The following IL2RA variants were observed in gnomAD, a reference collection of about 807,000 sequenced individuals.
IL2RA encodes interleukin 2 receptor subunit alpha.
IL2RA carries 24 observed loss-of-function variants against 37.8 expected under a neutral mutation model. That is an observed-to-expected ratio of 0.63 (90% CI 0.46 to 0.89). The LOEUF (loss-of-function observed/expected upper bound fraction) is 0.89, where lower values mean the gene tolerates loss of function less well. Ranked by LOEUF, IL2RA falls within the 40% of genes least tolerant of loss-of-function variation. The probability of loss-of-function intolerance (pLI) is 0.00; values close to 1 mark genes in which losing one functional copy is unlikely to be tolerated. For missense variants in IL2RA, 319 were observed against 348.6 expected (o/e 0.92, Z 0.68); for synonymous variants, 125 against 114.6 (o/e 1.09, Z -0.58).
At chr10:6,023,407 C>T (rs1839420937) in intron 3 of IL2RA, among the ~76,000 whole-genome samples, 1 of 152,164 alleles carries the variant, frequency 6.6e-6, no homozygotes. Context: ...GCAATCTCTG[C>T]TCACTGCAAC....
Position 6,033,533 on chromosome 10 carries a change from A to C in IL2RA, c.65-7508T>G, listed in dbSNP as rs12722668. Among the ~76,000 whole-genome samples the C allele has an allele frequency of 0.018, 2,716 of 152,298 alleles. 76 individuals are homozygous for C. Among genetic ancestry groups the C allele is most frequent in the African/African-American group, 0.061 (2,552 of 41,536 alleles). On this transcript the variant is annotated intron_variant, in intron 1 of 7. Coordinates refer to ENST00000379959, the MANE Select transcript of IL2RA (RefSeq NM_000417.3). The surrounding 1 kb of genome is among the most constrained non-coding windows in gnomAD (Gnocchi z 4.3). ...TAGCTTTATTAATAATAACCAACTC[A>C]ATAATTCAAACATCCATCATTGGGA...
intron 1 of IL2RA, among the ~76,000 whole-genome samples, chr10:6,039,084 A>C (rs1839732156): frequency 6.6e-6 from 1 of 152,230 alleles, no homozygotes; most frequent in Non-Finnish European, 1.5e-5. Flanking sequence ...TGTTTATAAG[A>C]GACATGCTTA....
rs796273518 is a variant in IL2RA, at chr10:6,033,820, C to T, written c.65-7795G>A. On this transcript the variant is annotated intron_variant, in intron 1 of 7. Coordinates refer to ENST00000379959, the MANE Select transcript of IL2RA (RefSeq NM_000417.3). This position sits in a 1 kb window ranked among gnomAD's most constrained non-coding sequence, Gnocchi z 4.3. ...GACCAGAAGGCAGAAGTGATGAAAA[C>T]GTTTTTGCAGCTGTACACATTTGTC... Among the ~76,000 whole-genome samples, 3 of 152,194 alleles carry T rather than the reference C, an allele frequency of 2.0e-5. No individual in the cohort carries two copies. Among genetic ancestry groups the T allele is most frequent in the African/African-American group, 4.8e-5 (2 of 41,452 alleles).
Position 6,012,767 on chromosome 10 carries a change from A to G in IL2RA, c.*105T>C. 1 of 1,199,116 alleles carries G rather than the reference A, an allele frequency of 8.3e-7. No individual in the cohort carries two copies. Among genetic ancestry groups the G allele is most frequent in the South Asian group, 1.2e-5 (1 of 82,614 alleles). The allele number at this position is 1,199,116 out of a possible 1,614,324, so 74.3% of individuals were successfully genotyped here. A position where few individuals can be genotyped will look rare whatever the true frequency, so the allele number is the denominator to read the frequency against. ...TCCAAAACGCAGGCAAGCACAACGG[A>G]TGTCTCCTGGGCGACCATTTAGCAC... On this transcript the variant is annotated 3_prime_UTR_variant, in exon 8 of 8. Coordinates refer to ENST00000379959, the MANE Select transcript of IL2RA (RefSeq NM_000417.3). This position sits in a 1 kb window ranked among gnomAD's most constrained non-coding sequence, Gnocchi z 4.8.
Position 6,054,236 on chromosome 10 carries a change from G to T in IL2RA, c.64+7852C>A, listed in dbSNP as rs10795763. Among the ~76,000 whole-genome samples the T allele has an allele frequency of 0.46, 69,190 of 152,052 alleles. 17,791 individuals carry two copies. Among genetic ancestry groups the T allele is most frequent in the Non-Finnish European group, 0.59 (40,300 of 67,974 alleles). The stretch of plus-strand genomic sequence containing the variant: ...GTTGGGTGTGGGAGTGGGAGAATGG[G>T]CTGTCAGGACAAAAGCACTGGGACT... On this transcript the variant is annotated intron_variant, in intron 1 of 7. Transcript: ENST00000379959. The surrounding 1 kb of genome is among the most constrained non-coding windows in gnomAD (Gnocchi z 4.5).
At chr10:6,053,764 G>A (rs1411675878) in intron 1 of IL2RA, among the ~76,000 whole-genome samples, 2 of 152,190 alleles carry the variant, frequency 1.3e-5, no homozygotes, top group Admixed American at 1.3e-4. Context: ...CAAAGTGCTG[G>A]GATTACAGGA....
intron 5 of IL2RA, 89 bp from the exon 6 acceptor site, chr10:6,019,588 G>A: frequency 2.1e-6 from 2 of 971,382 alleles, no homozygotes; most frequent in South Asian, 1.3e-5. Flanking sequence ...CTCTGTGAAT[G>A]AGAAGCTCAG....
At chr10:6,019,734 T>A in intron 5 of IL2RA, 136 bp downstream of exon 5, 1 of 897,408 alleles carries the variant, frequency 1.1e-6, no homozygotes, top group Non-Finnish European at 1.9e-6. Flanking sequence ...GCCCTGTCCC[T>A]GCTCAGAGGG....
chr10:6,037,188 C>T (rs375283330), intron 1 of IL2RA, among the ~76,000 whole-genome samples: 4 of 152,134 alleles, frequency 2.6e-5, no homozygotes, highest in Admixed American at 6.5e-5. Context: ...GCAGTGGAAA[C>T]GTCATTGACT....
chr10:6,036,565 G>A lies in IL2RA; in HGVS notation c.65-10540C>T, dbSNP rs1839686037. ...CACAGTAAAGATAAACAGCAGCCTG[G>A]GCAGGCCAGCGGCTCTTCCCTGACG... On this transcript the variant is annotated intron_variant, in intron 1 of 7. Coordinates refer to ENST00000379959, the MANE Select transcript of IL2RA (RefSeq NM_000417.3). The surrounding 1 kb of genome is among the most constrained non-coding windows in gnomAD (Gnocchi z 6.1). 1 of 152,186 alleles carries A rather than the reference G, an allele frequency of 6.6e-6. No homozygotes were observed. Among genetic ancestry groups the A allele is most frequent in the Non-Finnish European group, 1.5e-5 (1 of 68,054 alleles). 9.4% of individuals were successfully genotyped at this position (152,186 alleles called of 1,614,324 possible).
chr10:6,032,617 T>C (rs1161535939), intron 1 of IL2RA, among the ~76,000 whole-genome samples: 6 of 150,440 alleles, frequency 4.0e-5, no homozygotes, highest in South Asian at 4.2e-4. Context: ...GGCGTGAACT[T>C]GGGAGGTGGA....
In IL2RA at chr10:6,020,862, T is replaced by C. The variant is rs568454101; in HGVS notation, c.583+616A>G. On this transcript the variant is annotated intron_variant, in intron 4 of 7. Transcript: ENST00000379959. This position sits in a 1 kb window ranked among gnomAD's most constrained non-coding sequence, Gnocchi z 5.6. ...TGTAAGTCACTTTTGATTGTCGTGATACTAATAAGATTTCAGAAGGAAGAC... is the reference window on the plus strand; with the variant it reads ...TGTAAGTCACTTTTGATTGTCGTGACACTAATAAGATTTCAGAAGGAAGAC... Among the ~76,000 whole-genome samples the C allele has an allele frequency of 3.9e-5, 6 of 152,218 alleles. No homozygotes were observed. In the East Asian group the frequency reaches 1.2e-3, roughly 29 times the overall value.
chr10:6,034,753 G>T (rs540075137), intron 1 of IL2RA, among the ~76,000 whole-genome samples: 1 of 152,150 alleles, frequency 6.6e-6, no homozygotes, highest in South Asian at 2.1e-4. Flanking sequence ...CCCACTTCCT[G>T]CTTCTCCCAA....
rs149847208 is a variant in IL2RA at position 6,015,559 on chromosome 10, A to C, written c.794+2494T>G. Among the ~76,000 whole-genome samples, 3 of 152,330 alleles carry C rather than the reference A, an allele frequency of 2.0e-5. No homozygotes were observed. In the East Asian group the frequency reaches 5.8e-4, roughly 29 times the overall value. ...GGGACCCAGCAATCTGTGCTTTAAC[A>C]AGGCCTCCAGATGATTCTTTCAACA... On this transcript the variant is annotated intron_variant, in intron 7 of 7. Transcript: ENST00000379959. This position sits in a 1 kb window ranked among gnomAD's most constrained non-coding sequence, Gnocchi z 4.9.
rs927895410 is a variant in IL2RA at position 6,046,849 on chromosome 10, A to G, written c.64+15239T>C. 6.6e-6 allele frequency among the ~76,000 whole-genome samples: 1 copy of G among 152,190 alleles called. No individual in the cohort carries two copies. The highest frequency in any genetic ancestry group is 1.5e-5 in the Non-Finnish European group (1 of 68,026). On this transcript the variant is annotated intron_variant, in intron 1 of 7. Coordinates refer to ENST00000379959, the MANE Select transcript of IL2RA (RefSeq NM_000417.3). This position sits in a 1 kb window ranked among gnomAD's most constrained non-coding sequence, Gnocchi z 4.8. ...GGGGGTGAGCTCAGATGCTCCTGCAATGGGCATTCACACTGGGCTTCTTGG... is the reference window on the plus strand; with the variant it reads ...GGGGGTGAGCTCAGATGCTCCTGCAGTGGGCATTCACACTGGGCTTCTTGG...
intron 7 of IL2RA, 139 bp downstream of exon 7, chr10:6,017,914 A>C: frequency 1.4e-6 from 1 of 724,194 alleles, no homozygotes. Context: ...TTTCCGAGGC[A>C]TGGATTGGCC....
At chr10:6,043,993 A>T (rs921007659) in intron 1 of IL2RA, among the ~76,000 whole-genome samples, 1 of 152,170 alleles carries the variant, frequency 6.6e-6, no homozygotes, top group African/African-American at 2.4e-5. Context: ...CTGTCTGTGG[A>T]TGTGGAACTT....
Position 6,059,034 on chromosome 10 carries a change from A to G in IL2RA, c.64+3054T>C, listed in dbSNP as rs1415499713. On this transcript the variant is annotated intron_variant, in intron 1 of 7. Coordinates refer to ENST00000379959, the MANE Select transcript of IL2RA (RefSeq NM_000417.3). Reference sequence around the variant, plus strand: ...AGAGAACTCTTACCCTGAGGAATAAAAAGTCTGATTTGTTTCAAGACTAGG... The same window carrying G: ...AGAGAACTCTTACCCTGAGGAATAAGAAGTCTGATTTGTTTCAAGACTAGG... Among the ~76,000 whole-genome samples the G allele has an allele frequency of 2.6e-5, 4 of 152,238 alleles. No homozygotes were observed. In the East Asian group the frequency reaches 5.8e-4, roughly 22 times the overall value.
In IL2RA at chr10:6,033,523, T is replaced by C. The variant is rs149871309; in HGVS notation, c.65-7498A>G. Among the ~76,000 whole-genome samples, 857 of 152,256 alleles carry C rather than the reference T, an allele frequency of 5.6e-3. 5 individuals are homozygous for C. Among genetic ancestry groups the C allele is most frequent in the Middle Eastern group, 0.017 (5 of 294 alleles). Reference sequence around the variant, plus strand: ...TAGTACATAGTAGCTTTATTAATAATAACCAACTCAATAATTCAAACATCC... The same window carrying C: ...TAGTACATAGTAGCTTTATTAATAACAACCAACTCAATAATTCAAACATCC... On this transcript the variant is annotated intron_variant, in intron 1 of 7. Coordinates refer to ENST00000379959, the MANE Select transcript of IL2RA (RefSeq NM_000417.3). This position sits in a 1 kb window ranked among gnomAD's most constrained non-coding sequence, Gnocchi z 4.3.
Sources: gnomAD v4.1 joint callset for allele counts (sites outside exome capture counted in the v4.1 genomes callset) on GRCh38, gnomAD v4.1.1 for gene constraint, Gnocchi (gnomAD v3.1) non-coding constraint, MANE v1.5 for transcripts, NCBI Gene and HGNC (gene_info 2026-07-23, HGNC 2026-07-21) for gene names.